The following VWA8 variants were observed in gnomAD, a reference collection of about 807,000 sequenced individuals.
The protein encoded by VWA8 is von Willebrand factor A domain-containing protein 8.
In VWA8, 221 loss-of-function variants were observed where a neutral mutation model predicts 241.5. The ratio of observed to expected loss-of-function variants is 0.91; its 90% CI spans 0.82 to 1.02. VWA8 has a LOEUF of 1.02. VWA8 is among the 50% of genes least tolerant of loss of function. The pLI, the probability that VWA8 is intolerant of heterozygous loss-of-function variation, is 0.00. For missense variants in VWA8, 2,322 were observed against 2,328.7 expected (o/e 1.00, Z 0.06); for synonymous variants, 852 against 827.1 (o/e 1.03, Z -0.52).
chr13:41,896,110 C>A (rs988739111), intron 4 of VWA8, among the ~76,000 whole-genome samples: 2 of 151,954 alleles, frequency 1.3e-5, no homozygotes, highest in African/African-American at 4.8e-5. Flanking sequence ...GTATGCTAGT[C>A]TCTCTAGAAA....
chr13:41,772,991 G>C, intron 20 of VWA8, among the ~76,000 whole-genome samples: 1 of 152,308 alleles, frequency 6.6e-6, no homozygotes, highest in African/African-American at 2.4e-5. Context: ...ATAATTTCAA[G>C]TGTTGAAACA....
At chr13:41,702,082 G>A (rs2045254101) in intron 27 of VWA8, among the ~76,000 whole-genome samples, 1 of 152,148 alleles carries the variant, frequency 6.6e-6, no homozygotes, top group African/African-American at 2.4e-5. Flanking sequence ...TTTCACACAT[G>A]GTGATAATTA....
chr13:41,933,332 A>G (rs1451640693), intron 2 of VWA8, among the ~76,000 whole-genome samples: 2 of 152,044 alleles, frequency 1.3e-5, no homozygotes, highest in Admixed American at 1.3e-4. Flanking sequence ...ATAGAGAAAT[A>G]TATCTTGTTC....
At chr13:41,950,861 G>A (rs1878103470) in intron 1 of VWA8, among the ~76,000 whole-genome samples, 1 of 150,396 alleles carries the variant, frequency 6.6e-6, no homozygotes, top group African/African-American at 2.4e-5. Flanking sequence ...TAGAGATGAG[G>A]TTTCACCATG....
At chr13:41,621,152 C>G (rs1209638273) in intron 37 of VWA8, among the ~76,000 whole-genome samples, 1 of 152,144 alleles carries the variant, frequency 6.6e-6, no homozygotes, top group Non-Finnish European at 1.5e-5. Flanking sequence ...ACCCATACAA[C>G]TATTTTGCTT....
chr13:41,571,315 C>CTCTCCCTCCTCCCTCTCCCTCTCTCG (rs1566370831), intron 43 of VWA8, among the ~76,000 whole-genome samples: 1 of 105,854 alleles, frequency 9.4e-6, no homozygotes, highest in South Asian at 3.6e-4. Context: ...TCCCTCCTCC[C>CTCTCCCTCCTCCCTCTCCCTCTCTCG]TCTCCCTCTC....
chr13:41,748,264 C>G (rs181004137), intron 21 of VWA8, among the ~76,000 whole-genome samples: 6 of 152,276 alleles, frequency 3.9e-5, no homozygotes, highest in Admixed American at 2.0e-4. Flanking sequence ...TAATTATTGC[C>G]TCAATTTCAG....
At chr13:41,684,977 A>C (rs920791065) in intron 35 of VWA8, 70 bp downstream of exon 35, 2 of 1,309,264 alleles carry the variant, frequency 1.5e-6, no homozygotes, top group Non-Finnish European at 1.1e-6. Context: ...GATAAATTAA[A>C]TATCCTCTAC....
chr13:41,596,788 T>TACAC (rs142774673), intron 40 of VWA8, among the ~76,000 whole-genome samples: 6,261 of 136,924 alleles, frequency 0.046, 155 homozygotes, highest in East Asian at 0.061. Context: ...AACCAGAAAG[T>TACAC]ACACACACAC....
At chr13:41,844,052 C>T (rs186104477) in intron 12 of VWA8, among the ~76,000 whole-genome samples, 2 of 152,082 alleles carry the variant, frequency 1.3e-5, no homozygotes, top group African/African-American at 4.8e-5. Context: ...TAAATATAGG[C>T]CAATACCCTT....
intron 9 of VWA8, among the ~76,000 whole-genome samples, chr13:41,881,907 A>AC (rs1206313936): frequency 8.6e-6 from 1 of 116,102 alleles, no homozygotes; most frequent in Non-Finnish European, 1.8e-5. Context: ...GCGGGGGCTG[A>AC]CCCCCACCTC....
chr13:41,789,249 C>G (rs988038412), intron 17 of VWA8, among the ~76,000 whole-genome samples: 6 of 152,062 alleles, frequency 3.9e-5, no homozygotes, highest in African/African-American at 1.4e-4. Flanking sequence ...CCATTGCTCA[C>G]TGATATTTTT....
chr13:41,908,656 T>G (rs1419991948), intron 3 of VWA8, among the ~76,000 whole-genome samples: 2 of 152,052 alleles, frequency 1.3e-5, no homozygotes, highest in Admixed American at 6.6e-5. Flanking sequence ...ATCAAAAAAA[T>G]CATGAGATTT....
Position 41,891,540 on chromosome 13 carries a change from A to C in VWA8, c.531T>G (p.Gly177=). 1.2e-6 allele frequency: 2 copies of C among 1,614,184 alleles called. No homozygotes were observed. The highest frequency in any genetic ancestry group is 1.7e-6 in the Non-Finnish European group (2 of 1,180,026). ...AAACATTCCTCTCTGCCTTTTCCAA[A>C]CCTTCCAAAATGAGAGTTCTGCCTT... The part of the protein sequence containing the change: ...ATEGRTLILE[G]LEKAERNVLP... Residue 177 remains glycine (G), a synonymous_variant, in exon 5 of 45, where the codon GGT becomes GGG. Coordinates refer to ENST00000379310, the MANE Select transcript of VWA8 (RefSeq NM_015058.2).
intron 12 of VWA8, among the ~76,000 whole-genome samples, chr13:41,854,862 C>T (rs1872673158): frequency 6.6e-6 from 1 of 152,084 alleles, no homozygotes. Flanking sequence ...GCAAATTGGC[C>T]TACAGGCTCT....
intron 21 of VWA8, among the ~76,000 whole-genome samples, chr13:41,739,453 T>TAA (rs2045549722): frequency 6.6e-6 from 1 of 152,204 alleles, no homozygotes; most frequent in African/African-American, 2.4e-5. Flanking sequence ...ACTTACTATA[T>TAA]AAGTTGCATT....
intron 26 of VWA8, among the ~76,000 whole-genome samples, chr13:41,707,569 C>G (rs370920315): frequency 2.2e-4 from 33 of 152,322 alleles, no homozygotes; most frequent in African/African-American, 7.9e-4. Flanking sequence ...GCAGGCCTCA[C>G]TCATTCCTGA....
chr13:41,822,275 T>A (rs974906111), intron 14 of VWA8, among the ~76,000 whole-genome samples: 1 of 152,116 alleles, frequency 6.6e-6, no homozygotes, highest in Non-Finnish European at 1.5e-5. Context: ...TTGGGGAACT[T>A]GAAAGAATAA....
At chr13:41,731,670 G>A (rs979003712) in intron 22 of VWA8, among the ~76,000 whole-genome samples, 5 of 152,148 alleles carry the variant, frequency 3.3e-5, no homozygotes, top group Non-Finnish European at 7.4e-5. Flanking sequence ...ATCTTGAATT[G>A]TAGCTCCCAT....
Sources: allele counts gnomAD v4.1 joint callset (sites outside exome capture counted in the v4.1 genomes callset), GRCh38; gene constraint gnomAD v4.1.1; transcripts MANE v1.5; gene names NCBI Gene and HGNC (gene_info 2026-07-23, HGNC 2026-07-21).